Variants in FLI1 observed in about 807,000 individuals in gnomAD.
FLI1 encodes Fli-1 proto-oncogene, ETS transcription factor.
A neutral mutation model predicts 53.1 loss-of-function variants in FLI1; 13 were observed. The observed-to-expected ratio is 0.24, with a 90% CI of 0.16 to 0.39. FLI1 has a LOEUF of 0.39. Ranked by LOEUF, FLI1 falls within the 10% of genes least tolerant of loss-of-function variation. The pLI, the probability that FLI1 is intolerant of heterozygous loss-of-function variation, is 1.00. For synonymous variants in FLI1, 244 were observed against 236.7 expected (o/e 1.03, Z -0.28); for missense variants, 424 against 600.5 (o/e 0.71, Z 3.07).
At chr11:128,809,637 A>G (rs952862824) in intron 8 of FLI1, among the ~76,000 whole-genome samples, 2 of 152,232 alleles carry the variant, frequency 1.3e-5, no homozygotes, top group African/African-American at 4.8e-5. Context: ...CTGGCCTTAT[A>G]AAAGAGATGT....
At chr11:128,733,877 C>T (rs555639643) in intron 1 of FLI1, among the ~76,000 whole-genome samples, 1 of 152,326 alleles carries the variant, frequency 6.6e-6, no homozygotes, top group Admixed American at 6.5e-5. Flanking sequence ...CTTTCTCTCT[C>T]TCAAGTCATT....
chr11:128,756,945 C>T (rs559209652), intron 1 of FLI1, among the ~76,000 whole-genome samples: 13 of 152,164 alleles, frequency 8.5e-5, no homozygotes, highest in African/African-American at 2.2e-4. Context: ...TGCAATGGCA[C>T]GATCACGGCT....
intron 1 of FLI1, among the ~76,000 whole-genome samples, chr11:128,748,550 T>C (rs1442668638): frequency 6.6e-6 from 1 of 152,072 alleles, no homozygotes; most frequent in African/African-American, 2.4e-5. Context: ...GGAGAATTAC[T>C]TGACCCTGGG....
intron 1 of FLI1, among the ~76,000 whole-genome samples, chr11:128,736,628 G>A (rs977575971): frequency 6.6e-6 from 1 of 152,178 alleles, no homozygotes. Context: ...GCTGACAGTG[G>A]ACCAATAACT....
At chr11:128,745,218 G>C (rs980137811) in intron 1 of FLI1, among the ~76,000 whole-genome samples, 10 of 152,000 alleles carry the variant, frequency 6.6e-5, no homozygotes, top group African/African-American at 2.2e-4. Context: ...AGAAAGAGAA[G>C]GCATGGGAGC....
At chr11:128,688,450 C>T (rs991521854) in intron 1 of FLI1, among the ~76,000 whole-genome samples, 2 of 152,222 alleles carry the variant, frequency 1.3e-5, no homozygotes, top group African/African-American at 4.8e-5. Context: ...GAGTCTGTTC[C>T]ACCGGCTCCC....
chr11:128,801,606 C>A (rs1942640083), intron 5 of FLI1, among the ~76,000 whole-genome samples: 1 of 152,176 alleles, frequency 6.6e-6, no homozygotes, highest in South Asian at 2.1e-4. Flanking sequence ...GTAGTCTGTA[C>A]CCCTCAACAC....
intron 5 of FLI1, among the ~76,000 whole-genome samples, chr11:128,791,307 A>G (rs1241656879): frequency 1.3e-5 from 2 of 151,984 alleles, no homozygotes; most frequent in African/African-American, 4.8e-5. Context: ...ATGTTTCCCC[A>G]TTCTTCCTTT....
intron 1 of FLI1, among the ~76,000 whole-genome samples, chr11:128,732,226 T>A (rs1939730690): frequency 6.6e-6 from 1 of 152,186 alleles, no homozygotes; most frequent in South Asian, 2.1e-4. Flanking sequence ...AGCCAATCAG[T>A]ACCAGATTAT....
chr11:128,790,067 T>TTC (rs201514090), intron 5 of FLI1, among the ~76,000 whole-genome samples: 3,292 of 77,172 alleles, frequency 0.043, 111 homozygotes, highest in African/African-American at 0.12. Context: ...TGTGCATGCA[T>TTC]GCGTGTGTGT....
intron 5 of FLI1, among the ~76,000 whole-genome samples, chr11:128,791,089 A>G (rs754278734): frequency 1.3e-5 from 2 of 152,058 alleles, no homozygotes; most frequent in Non-Finnish European, 2.9e-5. Flanking sequence ...CTGCCCTTCA[A>G]TGTGTTCCTA....
chr11:128,776,802 C>G (rs1026679370), intron 4 of FLI1, among the ~76,000 whole-genome samples: 3 of 152,172 alleles, frequency 2.0e-5, no homozygotes, highest in African/African-American at 7.2e-5. Flanking sequence ...CCTCTGGAGT[C>G]CCAGTCCCTG....
At chr11:128,762,468 C>G (rs529923260) in intron 2 of FLI1, among the ~76,000 whole-genome samples, 4 of 152,188 alleles carry the variant, frequency 2.6e-5, no homozygotes, top group Non-Finnish European at 5.9e-5. Flanking sequence ...GAAATGTGCT[C>G]TAAATATAAA....
intron 1 of FLI1, among the ~76,000 whole-genome samples, chr11:128,704,856 G>A (rs897515690): frequency 6.6e-5 from 10 of 152,206 alleles, no homozygotes; most frequent in African/African-American, 2.4e-4. Context: ...AAATGAGGAA[G>A]AACAATCATA....
At chr11:128,787,343 G>C (rs949900311) in intron 5 of FLI1, among the ~76,000 whole-genome samples, 2 of 152,074 alleles carry the variant, frequency 1.3e-5, no homozygotes, top group African/African-American at 4.8e-5. Context: ...GAGATTTCAG[G>C]GTTCCTTAGA....
rs1478546967 is a variant in FLI1, at chr11:128,812,823, G to C, written c.*1835G>C. 3 of 117,872 alleles carry C rather than the reference G, an allele frequency of 2.5e-5. 1 individual carries two copies. The highest frequency in any genetic ancestry group is 2.9e-4 in the East Asian group (2 of 6,936). 7.3% of individuals were successfully genotyped at this position (117,872 alleles called of 1,614,324 possible). Reference sequence around the variant, plus strand: ...CTGCTTCCTTCAGGTCTCAGACCAGGACTTTATGGCTCATGCAGATTTTTA... The same window carrying C: ...CTGCTTCCTTCAGGTCTCAGACCAGCACTTTATGGCTCATGCAGATTTTTA... On this transcript the variant is annotated 3_prime_UTR_variant, in exon 9 of 9. Transcript: ENST00000527786.
At chr11:128,775,374 A>C (rs2427642) in intron 4 of FLI1, among the ~76,000 whole-genome samples, 113,188 of 151,396 alleles carry the variant, frequency 0.75, 44,257 homozygotes, top group Non-Finnish European at 0.86. Flanking sequence ...AAAAAAAAAA[A>C]CTTGCCCCAA....
At chr11:128,694,731 C>G (rs982837810) in intron 1 of FLI1, among the ~76,000 whole-genome samples, 1 of 152,162 alleles carries the variant, frequency 6.6e-6, no homozygotes, top group Non-Finnish European at 1.5e-5. Flanking sequence ...CGCCCGGGCT[C>G]GGGTCCCTGC....
At chr11:128,779,596 C>T (rs1274025125) in intron 4 of FLI1, among the ~76,000 whole-genome samples, 1 of 152,196 alleles carries the variant, frequency 6.6e-6, no homozygotes, top group African/African-American at 2.4e-5. Context: ...AGCCAAGGTC[C>T]ATTCTGAGCA....
Sources: allele counts gnomAD v4.1 joint callset (sites outside exome capture counted in the v4.1 genomes callset), GRCh38; gene constraint gnomAD v4.1.1; transcripts MANE v1.5; gene names NCBI Gene and HGNC (gene_info 2026-07-23, HGNC 2026-07-21).